Variants in CDH13 observed in about 807,000 individuals in gnomAD.
CDH13 encodes the protein cadherin-13.
A neutral mutation model predicts 63.8 loss-of-function variants in CDH13; 24 were observed. That is an observed-to-expected ratio of 0.38 (90% CI 0.27 to 0.53). CDH13 has a LOEUF of 0.53. CDH13 is among the 20% of genes least tolerant of loss of function. The pLI is 0.85. For synonymous variants in CDH13, 503 were observed against 355.3 expected (o/e 1.42, Z -4.67); for missense variants, 1,049 against 903.1 (o/e 1.16, Z -2.07).
At chr16:83,433,469 C>G (rs376239096) in intron 6 of CDH13, among the ~76,000 whole-genome samples, 1 of 152,214 alleles carries the variant, frequency 6.6e-6, no homozygotes, top group Non-Finnish European at 1.5e-5. Flanking sequence ...GGATAAACCA[C>G]AATGACCCCA....
intron 4 of CDH13, among the ~76,000 whole-genome samples, chr16:83,216,605 G>A (rs940313479): frequency 1.4e-5 from 2 of 138,888 alleles, no homozygotes; most frequent in Admixed American, 7.6e-5. Flanking sequence ...AATACATAGG[G>A]GTTTAATATA....
intron 2 of CDH13, among the ~76,000 whole-genome samples, chr16:82,987,689 G>C (rs755686826): frequency 1.6e-4 from 24 of 152,206 alleles, no homozygotes; most frequent in East Asian, 3.9e-4. Flanking sequence ...GAATCAGCCA[G>C]TTTTAAAAGG....
chr16:82,796,657 A>G (rs2036594212), intron 1 of CDH13, among the ~76,000 whole-genome samples: 1 of 152,222 alleles, frequency 6.6e-6, no homozygotes, highest in Non-Finnish European at 1.5e-5. Context: ...CCATATGTGT[A>G]ATGCCTCGCT....
At chr16:83,343,273 CAT>C (rs2090767054) in intron 5 of CDH13, among the ~76,000 whole-genome samples, 3 of 152,154 alleles carry the variant, frequency 2.0e-5, no homozygotes, top group African/African-American at 7.2e-5. Flanking sequence ...TGATGATGCT[CAT>C]GTTATTTTGT....
intron 4 of CDH13, among the ~76,000 whole-genome samples, chr16:83,180,116 TTTAA>T (rs554222832): frequency 1.1e-3 from 163 of 152,096 alleles, no homozygotes; most frequent in African/African-American, 3.8e-3. Flanking sequence ...ATTTCATTGG[TTTAA>T]TTGTCGTTTA....
At chr16:82,736,050 C>T (rs970777371) in intron 1 of CDH13, among the ~76,000 whole-genome samples, 4 of 152,216 alleles carry the variant, frequency 2.6e-5, no homozygotes, top group African/African-American at 9.6e-5. Flanking sequence ...AAAAGCGATT[C>T]ATGAAAAACC....
At chr16:82,879,876 A>G (rs1228167844) in intron 2 of CDH13, among the ~76,000 whole-genome samples, 2 of 143,566 alleles carry the variant, frequency 1.4e-5, no homozygotes, top group Non-Finnish European at 3.0e-5. Flanking sequence ...TTATCTAAAT[A>G]TATGTTATAT....
chr16:83,150,378 T>C (rs775667035), intron 4 of CDH13, among the ~76,000 whole-genome samples: 5 of 152,192 alleles, frequency 3.3e-5, no homozygotes, highest in Admixed American at 6.5e-5. Context: ...CCCACTTTTC[T>C]CTCCCTTGCT....
chr16:82,905,369 AG>A (rs2041608325), intron 2 of CDH13, among the ~76,000 whole-genome samples: 1 of 152,128 alleles, frequency 6.6e-6, no homozygotes, highest in Admixed American at 6.5e-5. Context: ...GTCGTTTTTA[AG>A]GAGGAAGAAG....
chr16:83,699,009 G>A (rs1905807205), intron 10 of CDH13, among the ~76,000 whole-genome samples: 1 of 152,232 alleles, frequency 6.6e-6, no homozygotes, highest in Admixed American at 6.5e-5. Flanking sequence ...CTTCATTTGT[G>A]TGTGTTCTAC....
chr16:83,421,185 C>G (rs923422), intron 6 of CDH13, among the ~76,000 whole-genome samples: 64,189 of 151,982 alleles, frequency 0.42, 14,061 homozygotes, highest in East Asian at 0.52. Context: ...GTCTAGAACC[C>G]TTCCAGAGAA....
At chr16:82,939,559 G>C (rs2042770327) in intron 2 of CDH13, among the ~76,000 whole-genome samples, 1 of 152,032 alleles carries the variant, frequency 6.6e-6, no homozygotes, top group Non-Finnish European at 1.5e-5. Flanking sequence ...ACTCAGGTGA[G>C]ATCCCCAAGT....
At chr16:83,252,582 T>C (rs1032560590) in intron 5 of CDH13, among the ~76,000 whole-genome samples, 1 of 152,018 alleles carries the variant, frequency 6.6e-6, no homozygotes, top group East Asian at 1.9e-4. Flanking sequence ...TTGCAAGCAG[T>C]TGTATGATGT....
chr16:83,251,249 A>G (rs1905493674), intron 5 of CDH13, among the ~76,000 whole-genome samples: 1 of 152,208 alleles, frequency 6.6e-6, no homozygotes, highest in Non-Finnish European at 1.5e-5. Flanking sequence ...TGAATCAACA[A>G]TGATCTCAAA....
intron 4 of CDH13, among the ~76,000 whole-genome samples, chr16:83,192,442 A>T (rs528269878): frequency 1.3e-5 from 2 of 152,156 alleles, no homozygotes; most frequent in African/African-American, 4.8e-5. Context: ...CTTTTTTGAC[A>T]TTTCTGGATA....
At chr16:83,318,571 C>T (rs1172121945) in intron 5 of CDH13, among the ~76,000 whole-genome samples, 1 of 152,122 alleles carries the variant, frequency 6.6e-6, no homozygotes, top group Admixed American at 6.5e-5. Flanking sequence ...CAAAATTGGC[C>T]TAGGACATCT....
intron 5 of CDH13, among the ~76,000 whole-genome samples, chr16:83,267,453 G>C (rs567875574): frequency 1.3e-5 from 2 of 152,120 alleles, no homozygotes; most frequent in Non-Finnish European, 2.9e-5. Context: ...CTGTGTGTGC[G>C]ATGATTTAAA....
At chr16:82,715,999 G>A (rs1370798878) in intron 1 of CDH13, among the ~76,000 whole-genome samples, 3 of 152,196 alleles carry the variant, frequency 2.0e-5, no homozygotes, top group Non-Finnish European at 1.5e-5. Flanking sequence ...TCAGGAGTCA[G>A]CTTCCCTGCA....
chr16:82,798,480 C>T (rs1597621237), intron 1 of CDH13, among the ~76,000 whole-genome samples: 1 of 152,258 alleles, frequency 6.6e-6, no homozygotes. Context: ...GGTTATTACT[C>T]TCCAACCATC....
Sources: gnomAD v4.1 joint callset for allele counts (sites outside exome capture counted in the v4.1 genomes callset) on GRCh38, gnomAD v4.1.1 for gene constraint, MANE v1.5 for transcripts, NCBI Gene and HGNC (gene_info 2026-07-23, HGNC 2026-07-21) for gene names.